The following CLIP2 variants were observed in gnomAD, a reference collection of about 807,000 sequenced individuals.
CLIP2 encodes CAP-Gly domain-containing linker protein 2.
Under a neutral mutation model 111.7 loss-of-function variants are expected in CLIP2, and 41 were observed. That is an observed-to-expected ratio of 0.37 (90% CI 0.29 to 0.48). CLIP2 has a LOEUF of 0.48. Among genes scored for constraint, CLIP2 ranks in the 20% least tolerant of loss-of-function variants. The pLI is 0.99. For synonymous variants in CLIP2, 660 were observed against 644.2 expected, an observed-to-expected ratio of 1.02 and a Z score of -0.37; for missense variants, 1,160 against 1,422.1, an observed-to-expected ratio of 0.82 and a Z score of 2.96.
chr7:74,383,475 C>A (rs1791001228), intron 11 of CLIP2, among the ~76,000 whole-genome samples: 2 of 152,136 alleles, frequency 1.3e-5, no homozygotes, highest in Admixed American at 1.3e-4. Context: ...ATGGCTTGTT[C>A]TTCTCTGCTT....
At chr7:74,359,896 G>C (rs116564168) in intron 6 of CLIP2, among the ~76,000 whole-genome samples, 90 of 152,346 alleles carry the variant, frequency 5.9e-4, no homozygotes, top group African/African-American at 2.1e-3. Flanking sequence ...CAAGACAGCA[G>C]GTTTGCAAGA....
At chr7:74,378,744 A>G (rs1231701197) in intron 10 of CLIP2, among the ~76,000 whole-genome samples, 1 of 152,160 alleles carries the variant, frequency 6.6e-6, no homozygotes, top group Non-Finnish European at 1.5e-5. Flanking sequence ...TGACTCAAGA[A>G]AATACACAAA....
intron 2 of CLIP2, among the ~76,000 whole-genome samples, chr7:74,334,450 AC>A (rs1554731781): frequency 6.6e-6 from 1 of 152,088 alleles, no homozygotes; most frequent in Non-Finnish European, 1.5e-5. Flanking sequence ...GGGGACAAGG[AC>A]AGCTGAGCAG....
intron 2 of CLIP2, among the ~76,000 whole-genome samples, chr7:74,321,107 C>T (rs1788939793): frequency 6.6e-6 from 1 of 152,102 alleles, no homozygotes; most frequent in Admixed American, 6.6e-5. Context: ...CTCTCTGAGC[C>T]ACAAATGGGA....
At chr7:74,317,317 G>A (rs140101639) in intron 1 of CLIP2, among the ~76,000 whole-genome samples, 163 bp from the exon 2 acceptor site, 3 of 152,220 alleles carry the variant, frequency 2.0e-5, no homozygotes, top group African/African-American at 7.2e-5. Context: ...GTCTGAGAGC[G>A]GGAATCTGGC....
chr7:74,306,939 C>T (rs888537407), intron 1 of CLIP2, among the ~76,000 whole-genome samples: 1 of 152,244 alleles, frequency 6.6e-6, no homozygotes, highest in South Asian at 2.1e-4. Flanking sequence ...CCGCCTCCCA[C>T]GTCGGCCACA....
chr7:74,372,885 G>GC, intron 8 of CLIP2, 47 bp from the exon 9 acceptor site: 1 of 324,634 alleles, frequency 3.1e-6, no homozygotes, highest in Non-Finnish European at 5.2e-6. Context: ...CCCCCTCCCT[G>GC]CGTCCCCGCC....
At chr7:74,307,128 C>A (rs977047222) in intron 1 of CLIP2, among the ~76,000 whole-genome samples, 3 of 152,244 alleles carry the variant, frequency 2.0e-5, no homozygotes, top group Admixed American at 2.0e-4. Context: ...GGCTGCTCCC[C>A]CTCTGCACCC....
rs144006585 is a variant in CLIP2 at position 74,295,793 on chromosome 7, C to T, written c.-68+6059C>T. ...GGCAAGGAGGGAGAATCACTTGAGCCTAGGAGTTTGAGAGCAGCGTGGGCA... is the reference window on the plus strand; with the variant it reads ...GGCAAGGAGGGAGAATCACTTGAGCTTAGGAGTTTGAGAGCAGCGTGGGCA... On this transcript the variant is annotated intron_variant, in intron 1 of 16. Transcript: ENST00000223398. 9.0e-4 allele frequency among the ~76,000 whole-genome samples: 137 copies of T among 151,940 alleles called. 1 individual carries two copies. Among genetic ancestry groups the T allele is most frequent in the Middle Eastern group, 3.4e-3 (1 of 294 alleles).
In CLIP2 at chr7:74,294,640, C is replaced by T. The variant is rs1788120633; in HGVS notation, c.-68+4906C>T. Among the ~76,000 whole-genome samples, 10 of 152,334 alleles carry T rather than the reference C, an allele frequency of 6.6e-5. No individual in the cohort carries two copies. The South Asian group carries it at 2.1e-3, about 32-fold the overall frequency. The stretch of plus-strand genomic sequence containing the variant: ...CCCTGAGGTCTCAAGCTGGTCTGCC[C>T]TTGCCTGTAGCTAAACCTGGCTGAT... On this transcript the variant is annotated intron_variant, in intron 1 of 16. Transcript: ENST00000223398.
chr7:74,400,053 G>A (rs1791575808), intron 14 of CLIP2, among the ~76,000 whole-genome samples: 1 of 151,390 alleles, frequency 6.6e-6, no homozygotes, highest in Non-Finnish European at 1.5e-5. Flanking sequence ...AGGAGGCTGA[G>A]GCAGGAGAAT....
At chr7:74,373,452 C>T (rs904713565) in intron 9 of CLIP2, among the ~76,000 whole-genome samples, 5 of 152,068 alleles carry the variant, frequency 3.3e-5, no homozygotes, top group African/African-American at 1.2e-4. Flanking sequence ...GAGCTGAGAT[C>T]GTGCCACTGC....
chr7:74,395,198 G>C (rs1584392155), intron 13 of CLIP2, among the ~76,000 whole-genome samples: 1 of 149,672 alleles, frequency 6.7e-6, no homozygotes, highest in Non-Finnish European at 1.5e-5. Flanking sequence ...TTTGCTCTGT[G>C]ACCCAGGCTG....
rs369170431 is a variant in CLIP2, at chr7:74,389,089, C to T, written c.2564-14C>T. On this transcript the variant is annotated splice_polypyrimidine_tract_variant and intron_variant, in intron 12 of 16. Transcript: ENST00000223398. ...CCCAATCCTCTTCCTCCCTTCCCTG[C>T]CGGCTGACCCCAGCGCTGGAGAGCA... is the stretch of plus-strand genomic sequence containing the variant. 3 of 1,594,986 alleles carry T rather than the reference C, an allele frequency of 1.9e-6. No individual in the cohort carries two copies. The African/African-American group carries it at 4.0e-5, about 21-fold the overall frequency.
chr7:74,328,068 A>T (rs1479283992), intron 2 of CLIP2, among the ~76,000 whole-genome samples: 1 of 152,006 alleles, frequency 6.6e-6, no homozygotes, highest in Admixed American at 6.6e-5. Flanking sequence ...TTAGGGCTGG[A>T]TGCTGCAGAG....
chr7:74,379,405 C>A (rs1554313524), intron 10 of CLIP2, among the ~76,000 whole-genome samples: 1 of 151,736 alleles, frequency 6.6e-6, no homozygotes, highest in South Asian at 2.1e-4. Flanking sequence ...TCCCCATGTT[C>A]AGAGGTTTAG....
At chr7:74,379,006 G>A (rs1455368088) in intron 10 of CLIP2, among the ~76,000 whole-genome samples, 2 of 152,170 alleles carry the variant, frequency 1.3e-5, no homozygotes, top group Non-Finnish European at 2.9e-5. Context: ...TTCAGGGCAG[G>A]CAGAAACAGC....
At chr7:74,401,417 G>A in intron 15 of CLIP2, 88 bp from the exon 16 acceptor site, 1 of 1,297,048 alleles carries the variant, frequency 7.7e-7, no homozygotes, top group Non-Finnish European at 1.1e-6. Flanking sequence ...GCCTGAGACG[G>A]TCCCATGGGA....
rs1564051207 is a variant in CLIP2, at chr7:74,339,020, ACTGGGCT to A, written c.678+23_678+29del. The A allele has an allele frequency of 2.5e-6, 4 of 1,580,614 alleles. No homozygotes were observed. Among genetic ancestry groups the A allele is most frequent in the East Asian group, 4.5e-5 (2 of 44,528 alleles). Reference sequence around the variant, plus strand: ...CCGCGTGCTGGTGAGTGCGGGCAGTACTGGGCTCTGGGCCCAGCTTCCCTTCCCTCCC... The same window carrying A: ...CCGCGTGCTGGTGAGTGCGGGCAGTACTGGGCCCAGCTTCCCTTCCCTCCC... On this transcript the variant is annotated intron_variant, in intron 3 of 16. Transcript: ENST00000223398.
Sources: allele counts gnomAD v4.1 joint callset (sites outside exome capture counted in the v4.1 genomes callset), GRCh38; gene constraint gnomAD v4.1.1; transcripts MANE v1.5; gene names NCBI Gene and HGNC (gene_info 2026-07-23, HGNC 2026-07-21).